The following ZNF70 variants were observed in gnomAD, a reference collection of about 807,000 sequenced individuals.
ZNF70 encodes zinc finger protein N27C7-1.
A neutral mutation model predicts 37.7 loss-of-function variants in ZNF70; 18 were observed. The observed-to-expected ratio is 0.48, with a 90% CI of 0.33 to 0.71. The LOEUF (loss-of-function observed/expected upper bound fraction) is 0.71. Among genes scored for constraint, ZNF70 ranks in the 30% least tolerant of loss-of-function variants. The probability of loss-of-function intolerance (pLI) is 0.02; values close to 1 mark genes in which losing one functional copy is unlikely to be tolerated. For synonymous variants in ZNF70, 219 were observed against 220.1 expected (o/e 0.99, Z 0.05); for missense variants, 506 against 568.6 (o/e 0.89, Z 1.12).
rs530961273 is a variant in ZNF70 at position 23,739,567 on chromosome 22, T to A, written c.*4233A>T. On this transcript the variant is annotated 3_prime_UTR_variant, in exon 2 of 2. Coordinates refer to ENST00000341976, the MANE Select transcript of ZNF70 (RefSeq NM_021916.4). ...TCCCAAAGTGCTGGGATTACAGGCT[T>A]GAGCCACCGCTCCCGGCTATTTTTT... 1.3e-5 allele frequency: 2 copies of A among 152,388 alleles called. No homozygotes were observed. Among genetic ancestry groups the A allele is most frequent in the South Asian group, 4.2e-4 (2 of 4,818 alleles). 9.4% of individuals were successfully genotyped at this position (152,388 alleles called of 1,614,324 possible).
At chr22:23,748,197 C>T (rs1445135695) in intron 1 of ZNF70, among the ~76,000 whole-genome samples, 3 of 145,526 alleles carry the variant, frequency 2.1e-5, no homozygotes, top group Non-Finnish European at 4.5e-5. Context: ...AAAAAAAAAA[C>T]TAAATTAATC....
At chr22:23,746,200 C>CT in intron 1 of ZNF70, among the ~76,000 whole-genome samples, 1 of 138,664 alleles carries the variant, frequency 7.2e-6, no homozygotes, top group Non-Finnish European at 1.6e-5. Flanking sequence ...ATGGTGGTTC[C>CT]CTTTTTTTTT....
rs1924905502 is a variant in ZNF70, at chr22:23,742,431, G to C, written c.*1369C>G. On this transcript the variant is annotated 3_prime_UTR_variant, in exon 2 of 2. Transcript: ENST00000341976. ...AGTTGGCAGGCGGGGAAGACAGACAGAATGTGGAAGTGCAGAATGACACTG... is the reference window on the plus strand; with the variant it reads ...AGTTGGCAGGCGGGGAAGACAGACACAATGTGGAAGTGCAGAATGACACTG... 6.6e-6 allele frequency: 1 copy of C among 152,358 alleles called. No homozygotes were observed. The highest frequency in any genetic ancestry group is 2.1e-4 in the South Asian group (1 of 4,844). The allele number at this position is 152,358 out of a possible 1,614,324, so 9.4% of individuals were successfully genotyped here.
chr22:23,749,643 A>G (rs1326423940), intron 1 of ZNF70, among the ~76,000 whole-genome samples: 1 of 151,750 alleles, frequency 6.6e-6, no homozygotes, highest in Non-Finnish European at 1.5e-5. Context: ...CATGTTGTGC[A>G]GACTGGTCTC....
At position 23,744,615 on chromosome 22, in the gene ZNF70, C is replaced by T. The variant is rs1209619617; in HGVS notation, c.526G>A (p.Ala176Thr). 6.2e-7 allele frequency: 1 copy of T among 1,613,974 alleles called. No homozygotes were observed. Among genetic ancestry groups the T allele is most frequent in the Non-Finnish European group, 8.5e-7 (1 of 1,179,936 alleles). Residue 176 changes from alanine to threonine, a missense_variant, in exon 2 of 2, where the codon GCC becomes ACC. Ala to Thr is a moderately conservative substitution (Grantham distance 58). Coordinates refer to ENST00000341976, the MANE Select transcript of ZNF70 (RefSeq NM_021916.4). ...KPYECCECGK[A>T]FSQSSHLLRH... The stretch of plus-strand genomic sequence containing the variant: ...AGCAGGTGGGAGCTCTGGCTGAAGG[C>T]CTTCCCGCACTCACAGCACTCATAG...
intron 1 of ZNF70, among the ~76,000 whole-genome samples, chr22:23,747,357 A>G (rs190767842): frequency 8.3e-4 from 126 of 152,266 alleles, no homozygotes; most frequent in African/African-American, 2.6e-3. Context: ...AACTGTGCAT[A>G]CGAGGGATTT....
chr22:23,740,907 G>C lies in ZNF70; in HGVS notation c.*2893C>G, dbSNP rs560178595. On this transcript the variant is annotated 3_prime_UTR_variant, in exon 2 of 2. Coordinates refer to ENST00000341976, the MANE Select transcript of ZNF70 (RefSeq NM_021916.4). Reference sequence around the variant, plus strand: ...AGAGAGGGGGGATCTTCATCTCCACGTTACACAAAAATTAGAAAGAGAGAG... The same window carrying C: ...AGAGAGGGGGGATCTTCATCTCCACCTTACACAAAAATTAGAAAGAGAGAG... 6.6e-6 allele frequency: 1 copy of C among 151,996 alleles called. No individual in the cohort carries two copies. Among genetic ancestry groups the C allele is most frequent in the Non-Finnish European group, 1.5e-5 (1 of 68,018 alleles). 9.4% of individuals were successfully genotyped at this position (151,996 alleles called of 1,614,324 possible).
At position 23,744,781 on chromosome 22, in the gene ZNF70, T is replaced by C. The variant is rs781610013; in HGVS notation, c.360A>G (p.Thr120=). The C allele has an allele frequency of 6.2e-7, 1 of 1,614,252 alleles. No individual in the cohort carries two copies. The highest frequency in any genetic ancestry group is 8.5e-7 in the Non-Finnish European group (1 of 1,180,046). ...CGTTAGGTCCTGAGTCCCCTCTGTCTGTTTCTGCACAATCGCATGGACTGG... is the reference window on the plus strand; with the variant it reads ...CGTTAGGTCCTGAGTCCCCTCTGTCCGTTTCTGCACAATCGCATGGACTGG... The part of the protein sequence containing the change: ...EEPSPCDCAE[T]DRGDSGPNAP... The change falls in exon 2 of 2, where the codon ACA becomes ACG. Residue 120 remains threonine (T), a synonymous_variant. Transcript: ENST00000341976.
In ZNF70 at chr22:23,748,182, GA is replaced by G. The variant is rs986370020; in HGVS notation, c.-80+2528del. Among the ~76,000 whole-genome samples the G allele has an allele frequency of 6.1e-3, 653 of 106,696 alleles. 2 individuals are homozygous for G. The highest frequency in any genetic ancestry group is 0.013 in the African/African-American group (370 of 29,322). 70.0% of individuals were successfully genotyped at this position (106,696 alleles called of 152,430 possible). ...CTGCATCTAGAGAGTAACTGCCTCA[GA>G]AAAAAAAAAAAAACTAAATTAATCA... On this transcript the variant is annotated intron_variant, in intron 1 of 1. Transcript: ENST00000341976.
Position 23,739,795 on chromosome 22 carries a change from C to T in ZNF70, c.*4005G>A, listed in dbSNP as rs1924820962. 1 of 151,756 alleles carries T rather than the reference C, an allele frequency of 6.6e-6. No homozygotes were observed. The highest frequency in any genetic ancestry group is 2.4e-5 in the African/African-American group (1 of 41,340). 9.4% of individuals were successfully genotyped at this position (151,756 alleles called of 1,614,324 possible). ...TGTATTTTTAGTAGAGACGGGTTTTCACCATGTTGGCCAGGCTGGTCTTAA... is the reference window on the plus strand; with the variant it reads ...TGTATTTTTAGTAGAGACGGGTTTTTACCATGTTGGCCAGGCTGGTCTTAA... On this transcript the variant is annotated 3_prime_UTR_variant, in exon 2 of 2. Coordinates refer to ENST00000341976, the MANE Select transcript of ZNF70 (RefSeq NM_021916.4).
At position 23,743,532 on chromosome 22, in the gene ZNF70, G is replaced by C; in HGVS notation, c.*268C>G. ...AATCCTGTAGGCTTGGGAGTCAAAT[G>C]CAAGAAGGAGAAACTGAAGGCCAGC... On this transcript the variant is annotated 3_prime_UTR_variant, in exon 2 of 2. Transcript: ENST00000341976. The C allele has an allele frequency of 2.3e-6, 1 of 425,900 alleles. No individual in the cohort carries two copies. Among genetic ancestry groups the C allele is most frequent in the Non-Finnish European group, 4.2e-6 (1 of 240,948 alleles). The allele number at this position is 425,900 out of a possible 1,614,324, so 26.4% of individuals were successfully genotyped here.
chr22:23,749,527 C>CAA (rs61374101), intron 1 of ZNF70, among the ~76,000 whole-genome samples: 5,429 of 24,074 alleles, frequency 0.23, 1,628 homozygotes, highest in East Asian at 0.77. Flanking sequence ...GACTCCGTCT[C>CAA]AAAAAAAAAA....
rs192372492 is a variant in ZNF70, at chr22:23,749,725, C to T, written c.-80+986G>A. ...CTGGTATTATAGGCGTGAGCCCCCT[C>T]GCCCAGCCCTAAAGTATTTTCAAAA... is the stretch of plus-strand genomic sequence containing the variant. On this transcript the variant is annotated intron_variant, in intron 1 of 1. Coordinates refer to ENST00000341976, the MANE Select transcript of ZNF70 (RefSeq NM_021916.4). Among the ~76,000 whole-genome samples, 152 of 152,118 alleles carry T rather than the reference C, an allele frequency of 1.0e-3. 1 individual carries two copies. Among genetic ancestry groups the T allele is most frequent in the Admixed American group, 2.2e-3 (34 of 15,256 alleles).
rs1925019784 is a variant in ZNF70, at chr22:23,744,445, A to G, written c.696T>C (p.Asp232=). 2 of 1,612,636 alleles carry G rather than the reference A, an allele frequency of 1.2e-6. No individual in the cohort carries two copies. The highest frequency in any genetic ancestry group is 4.5e-5 in the East Asian group (2 of 44,678). The part of the protein sequence containing the change: ...RPYECRECGK[D]FSRSSSLRKH... ...TTCTGAGGCTGGAGCTCCGGCTGAA[A>G]TCTTTCCCGCATTCCCTGCACTCGT... The change falls in exon 2 of 2, where the codon GAT becomes GAC. Residue 232 remains aspartate (D), a synonymous_variant. Transcript: ENST00000341976.
chr22:23,748,068 GC>G (rs1448490662), intron 1 of ZNF70, among the ~76,000 whole-genome samples: 1 of 151,650 alleles, frequency 6.6e-6, no homozygotes, highest in Admixed American at 6.6e-5. Context: ...TATTCACTGA[GC>G]ACCTACTCTG....
intron 1 of ZNF70, 112 bp from the exon 2 acceptor site, chr22:23,745,331 T>G: frequency 1.5e-6 from 1 of 647,700 alleles, no homozygotes; most frequent in Non-Finnish European, 2.6e-6. Context: ...TAAGACACAA[T>G]CTTGCCCTTA....
rs1192112808 is a variant in ZNF70 at position 23,743,596 on chromosome 22, C to G, written c.*204G>C. 1.6e-6 allele frequency: 1 copy of G among 644,006 alleles called. No homozygotes were observed. The highest frequency in any genetic ancestry group is 2.8e-5 in the East Asian group (1 of 36,066). 39.9% of individuals were successfully genotyped at this position (644,006 alleles called of 1,614,324 possible). On this transcript the variant is annotated 3_prime_UTR_variant, in exon 2 of 2. Transcript: ENST00000341976. ...TGCCCTCCCTATCACCCCACCTTCC[C>G]TTCCATGCAGAAAACCTGCTGAGAG...
At chr22:23,747,628 G>A (rs1601322005) in intron 1 of ZNF70, among the ~76,000 whole-genome samples, 3 of 152,054 alleles carry the variant, frequency 2.0e-5, no homozygotes, top group South Asian at 4.1e-4. Context: ...TCACGAGATC[G>A]AGACCATCCT....
chr22:23,743,797 T>C lies in ZNF70; in HGVS notation c.*3A>G. ...CTTTCAAGCTTTGTGTGGGCTCCTC[T>C]TTCTATAGCTTCTCCCCAGAATGAA... On this transcript the variant is annotated 3_prime_UTR_variant, in exon 2 of 2. Coordinates refer to ENST00000341976, the MANE Select transcript of ZNF70 (RefSeq NM_021916.4). 1 of 1,609,080 alleles carries C rather than the reference T, an allele frequency of 6.2e-7. No individual in the cohort carries two copies. Among genetic ancestry groups the C allele is most frequent in the Non-Finnish European group, 8.5e-7 (1 of 1,177,216 alleles).
Sources: gnomAD v4.1 joint callset for allele counts (sites outside exome capture counted in the v4.1 genomes callset) on GRCh38, gnomAD v4.1.1 for gene constraint, MANE v1.5 for transcripts, NCBI Gene and HGNC (gene_info 2026-07-23, HGNC 2026-07-21) for gene names.